SALL4: variants seen among roughly 807,000 people sequenced by gnomAD.
The protein encoded by SALL4 is sal-like protein 4.
Under a neutral mutation model 60.8 loss-of-function variants are expected in SALL4, and 4 were observed. The ratio of observed to expected loss-of-function variants is 0.07; its 90% CI spans 0.03 to 0.15. The LOEUF (loss-of-function observed/expected upper bound fraction) is 0.15, where lower values mean the gene tolerates loss of function less well. SALL4 is among the 10% of genes least tolerant of loss of function. SALL4 has a pLI of 1.00. For synonymous variants in SALL4, 580 were observed against 574.9 expected (o/e 1.01, Z -0.13); for missense variants, 1,178 against 1,394.7 (o/e 0.84, Z 2.48).
Position 51,790,856 on chromosome 20 carries a change from C to G in SALL4, c.1627G>C (p.Glu543Gln). Residue 543 changes from glutamate to glutamine, a missense_variant, in exon 2 of 4, where the codon GAG (glutamate) becomes CAG (glutamine). By Grantham distance (29) the Glu-to-Gln change is conservative. Around this residue, in one of 5 missense-constraint regions of SALL4, gnomAD observed 853 missense variants for 1,036.8 expected, o/e 0.82. Transcript: ENST00000217086. This position sits in a 1 kb window ranked among gnomAD's most constrained non-coding sequence, Gnocchi z 5.5. ...AGGFQGSGTP[E>Q]PGSETLKLQQ... ...AATTTCAGGGTCTCTGACCCTGGCT[C>G]AGGGGTCCCACTCCCTTGGAAGCCA... 6.2e-7 allele frequency: 1 copy of G among 1,614,106 alleles called. No individual in the cohort carries two copies. The highest frequency in any genetic ancestry group is 8.5e-7 in the Non-Finnish European group (1 of 1,180,018).
Position 51,788,780 on chromosome 20 carries a change from G to T in SALL4, c.2742+81C>A. ...CTCCCAAAGGAGGAATGGAAGGATG[G>T]AAGAACTCATCACGGCTTGTGCCAA... On this transcript the variant is annotated intron_variant, in intron 3 of 3. Coordinates refer to ENST00000217086, the MANE Select transcript of SALL4 (RefSeq NM_020436.5). This position sits in a 1 kb window ranked among gnomAD's most constrained non-coding sequence, Gnocchi z 4.1. The T allele has an allele frequency of 6.4e-7, 1 of 1,554,414 alleles. No homozygotes were observed. Among genetic ancestry groups the T allele is most frequent in the South Asian group, 1.1e-5 (1 of 89,752 alleles).
In SALL4 at chr20:51,800,845, A is replaced by C. The variant is rs578061769; in HGVS notation, c.130+1434T>G. Among the ~76,000 whole-genome samples, 393 of 151,468 alleles carry C rather than the reference A, an allele frequency of 2.6e-3. 2 individuals are homozygous for C. The Middle Eastern group carries it at 0.031, about 12-fold the overall frequency. On this transcript the variant is annotated intron_variant, in intron 1 of 3. Transcript: ENST00000217086. ...AAAACGCCCAGCCATCCCCTCCGTC[A>C]AGCCGATCCTTTTAATTTGCCCTGG...
At chr20:51,793,748 A>G (rs2078063733) in intron 1 of SALL4, among the ~76,000 whole-genome samples, 4 of 152,238 alleles carry the variant, frequency 2.6e-5, no homozygotes, top group Admixed American at 2.6e-4. Flanking sequence ...GACTTTTGAC[A>G]GCACAGTCCA....
At chr20:51,785,131 T>A (rs917685969) in intron 3 of SALL4, among the ~76,000 whole-genome samples, 1 of 152,088 alleles carries the variant, frequency 6.6e-6, no homozygotes, top group Admixed American at 6.6e-5. Context: ...GATGAAACCC[T>A]GTCTACTAAA....
Position 51,802,352 on chromosome 20 carries a change from G to T in SALL4, c.57C>A (p.Gly19=), listed in dbSNP as rs1328009214. Residue 19 remains glycine (G), a synonymous_variant, in exon 1 of 4, where the codon GGC becomes GGA. Transcript: ENST00000217086. ...PQHINSEEDQ[G]EQQPQQQTPE... ...GGGTCTGCTGCTGCGGCTGCTGCTC[G>T]CCCTGGTCCTCCTCCGAGTTGATGT... is the stretch of plus-strand genomic sequence containing the variant. 9 of 1,610,926 alleles carry T rather than the reference G, an allele frequency of 5.6e-6. No individual in the cohort carries two copies. Among genetic ancestry groups the T allele is most frequent in the Non-Finnish European group, 6.8e-6 (8 of 1,179,772 alleles).
chr20:51,798,840 C>G (rs1250044121), intron 1 of SALL4, among the ~76,000 whole-genome samples: 1 of 150,004 alleles, frequency 6.7e-6, no homozygotes, highest in Admixed American at 6.6e-5. Context: ...TTTTAAAAAA[C>G]CAATAAAAAC....
chr20:51,784,627 C>A lies in SALL4; in HGVS notation c.2800G>T (p.Ala934Ser). 6.2e-7 allele frequency: 1 copy of A among 1,614,204 alleles called. No individual in the cohort carries two copies. The highest frequency in any genetic ancestry group is 1.1e-5 in the South Asian group (1 of 91,084). ...AACAGAGCCATGGTGTTCTCGATGG[C>A]CAACTTCCTTCCACGGCGGGCTGAG... is the stretch of plus-strand genomic sequence containing the variant. ...NNSARRGRKL[A>S]IENTMALLGT... Residue 934 changes from alanine to serine, a missense_variant, in exon 4 of 4, where the codon GCC (alanine) becomes TCC (serine). Physicochemically the swap from Ala to Ser is moderately conservative, Grantham distance 99. Coordinates refer to ENST00000217086, the MANE Select transcript of SALL4 (RefSeq NM_020436.5).
Position 51,788,321 on chromosome 20 carries a change from ATT to A in SALL4, c.2742+538_2742+539del, listed in dbSNP as rs1482836523. ...AAGCATGCAACACCATGCCCAACTAATTTGTGTGTGTGTGTGTGTGTGTGTGT... is the reference window on the plus strand; with the variant it reads ...AAGCATGCAACACCATGCCCAACTAATGTGTGTGTGTGTGTGTGTGTGTGT... On this transcript the variant is annotated intron_variant, in intron 3 of 3. Transcript: ENST00000217086. The surrounding 1 kb of genome is among the most constrained non-coding windows in gnomAD (Gnocchi z 4.1). Among the ~76,000 whole-genome samples, 1 of 112,892 alleles carries A rather than the reference ATT, an allele frequency of 8.9e-6. No individual in the cohort carries two copies. Among genetic ancestry groups the A allele is most frequent in the Non-Finnish European group, 1.8e-5 (1 of 54,920 alleles). 74.1% of individuals were successfully genotyped at this position (112,892 alleles called of 152,430 possible). A position where few individuals can be genotyped will look rare whatever the true frequency, so the allele number is the denominator to read the frequency against.
In SALL4 at chr20:51,791,055, A is replaced by G. The variant is rs756991725; in HGVS notation, c.1428T>C (p.Pro476=). 2 of 1,614,164 alleles carry G rather than the reference A, an allele frequency of 1.2e-6. No homozygotes were observed. Among genetic ancestry groups the G allele is most frequent in the Non-Finnish European group, 1.7e-6 (2 of 1,180,026 alleles). ...GCCCTACAGAGGTGGTTACAAGGAC[A>G]GGTTTGCTGTCTAAAGAAAGACTCG... ...DEPSLSLDSK[P]VLVTTSVGLP... The change falls in exon 2 of 4, where the codon CCT becomes CCC. Residue 476 remains proline, a synonymous_variant. Transcript: ENST00000217086. The surrounding 1 kb of genome is among the most constrained non-coding windows in gnomAD (Gnocchi z 4.6).
intron 1 of SALL4, 36 bp downstream of exon 1, chr20:51,802,243 C>T (rs1414427018): frequency 6.4e-7 from 1 of 1,562,008 alleles, no homozygotes; most frequent in Non-Finnish European, 8.7e-7. Flanking sequence ...GTCCGGGAAG[C>T]TCCCCTCCCC....
intron 1 of SALL4, among the ~76,000 whole-genome samples, chr20:51,800,184 C>A (rs1048913782): frequency 6.6e-6 from 1 of 152,130 alleles, no homozygotes; most frequent in Non-Finnish European, 1.5e-5. Context: ...AGCAGGCGAC[C>A]GGCACGAATC....
At position 51,791,405 on chromosome 20, in the gene SALL4, T is replaced by C; in HGVS notation, c.1078A>G (p.Lys360Glu). 6.2e-7 allele frequency: 1 copy of C among 1,614,182 alleles called. No homozygotes were observed. Among genetic ancestry groups the C allele is most frequent in the Non-Finnish European group, 8.5e-7 (1 of 1,180,016 alleles). The change falls in exon 2 of 4, where the codon AAG becomes GAG. Residue 360 changes from lysine to glutamate, a missense_variant. This residue lies in a region of SALL4 where 853 missense variants were observed against 1,036.8 expected (regional missense o/e 0.82). Coordinates refer to ENST00000217086, the MANE Select transcript of SALL4 (RefSeq NM_020436.5). This position sits in a 1 kb window ranked among gnomAD's most constrained non-coding sequence, Gnocchi z 4.6. ...TVALDTSKKG[K>E]GKPPNISAVD... ...GCGGAGATGTTCGGTGGCTTCCCCT[T>C]CCCTTTCTTGGATGTGTCTAGCGCC...
chr20:51,792,673 A>C (rs2078055223), intron 1 of SALL4: 1 of 488,346 alleles, frequency 2.0e-6, no homozygotes, highest in Non-Finnish European at 2.6e-6. Context: ...TGAGCGACAG[A>C]GCGAGACTCC....
chr20:51,802,254 G>A (rs755957281), intron 1 of SALL4, 25 bp downstream of exon 1: 4 of 1,573,918 alleles, frequency 2.5e-6, no homozygotes, highest in African/African-American at 2.7e-5. Flanking sequence ...TCCCCTCCCC[G>A]GGCGGGCGCC....
At chr20:51,792,473 G>A (rs1475387530) in intron 1 of SALL4, 121 bp from the exon 2 acceptor site, 6 of 1,256,278 alleles carry the variant, frequency 4.8e-6, no homozygotes, top group African/African-American at 1.5e-5. Context: ...CAGATCACCT[G>A]AGGTTGGGAA....
chr20:51,802,154 G>GC (rs1392997690), intron 1 of SALL4, 125 bp downstream of exon 1: 11 of 1,181,452 alleles, frequency 9.3e-6, no homozygotes, highest in Admixed American at 5.3e-5. Flanking sequence ...CGGGCACTGA[G>GC]CCCCCAAATC....
Position 51,802,287 on chromosome 20 carries a change from C to T in SALL4, c.122G>A (p.Gly41Glu), listed in dbSNP as rs761230294. ...GCCCCAGCCCCACTCACCCAGCTCC[C>T]CCGCCGCGGGCGCCGCTGGGGCCGC... ...ADAAPAAPAAGELGAPVNHPG... is the reference protein window; with the variant it reads ...ADAAPAAPAAEELGAPVNHPG... The change falls in exon 1 of 4, where the codon GGG (glycine) becomes GAG (glutamate). Residue 41 changes from glycine (G) to glutamate (E), a missense_variant. This residue lies in a region of SALL4 where 108 missense variants were observed against 95.7 expected (regional missense o/e 1.13). Transcript: ENST00000217086. The T allele has an allele frequency of 1.9e-5, 31 of 1,604,702 alleles. No homozygotes were observed. The Admixed American group carries it at 3.4e-4, about 17-fold the overall frequency.
intron 1 of SALL4, among the ~76,000 whole-genome samples, chr20:51,800,076 G>A (rs1169948825): frequency 6.6e-6 from 1 of 152,170 alleles, no homozygotes; most frequent in Non-Finnish European, 1.5e-5. Context: ...TCTCTCCCAA[G>A]GAGGCAATTG....
At chr20:51,802,078 G>A (rs1440445475) in intron 1 of SALL4, among the ~76,000 whole-genome samples, 2 of 151,900 alleles carry the variant, frequency 1.3e-5, no homozygotes, top group African/African-American at 4.8e-5. Flanking sequence ...CAAGAGGGGA[G>A]AAGAGGAAAA....
Sources: allele counts gnomAD v4.1 joint callset (sites outside exome capture counted in the v4.1 genomes callset), GRCh38; gene constraint gnomAD v4.1.1; regional missense constraint gnomAD v4.1.1; non-coding constraint Gnocchi (gnomAD v3.1); transcripts MANE v1.5; gene names NCBI Gene and HGNC (gene_info 2026-07-23, HGNC 2026-07-21).